The following CADM1 variants were observed in gnomAD, a reference collection of about 807,000 sequenced individuals.
CADM1 encodes TSLC-1.
A neutral mutation model predicts 53.1 loss-of-function variants in CADM1; 15 were observed. That is an observed-to-expected ratio of 0.28 (90% confidence interval 0.19 to 0.44). The LOEUF (loss-of-function observed/expected upper bound fraction) is 0.44, where lower values mean the gene tolerates loss of function less well. CADM1 is among the 20% of genes least tolerant of loss of function. The pLI is 1.00. For missense variants in CADM1, 434 were observed against 611.3 expected (o/e 0.71, Z 3.06); for synonymous variants, 281 against 243.0 (o/e 1.16, Z -1.45).
At chr11:115,438,325 G>T (rs765757730) in intron 1 of CADM1, among the ~76,000 whole-genome samples, 9 of 152,028 alleles carry the variant, frequency 5.9e-5, no homozygotes, top group Non-Finnish European at 1.2e-4. Context: ...ACCAGCCCAG[G>T]ATTAATTCTG....
At chr11:115,425,213 A>T (rs542101364) in intron 1 of CADM1, among the ~76,000 whole-genome samples, 3 of 152,242 alleles carry the variant, frequency 2.0e-5, no homozygotes, top group Non-Finnish European at 4.4e-5. Context: ...TCTTTTATTA[A>T]TAAGTCTTTG....
At chr11:115,502,688 C>A (rs1949755538) in intron 1 of CADM1, among the ~76,000 whole-genome samples, 1 of 152,128 alleles carries the variant, frequency 6.6e-6, no homozygotes, top group South Asian at 2.1e-4. Context: ...CAATAGGTTT[C>A]CCAAGCCGAG....
intron 1 of CADM1, among the ~76,000 whole-genome samples, chr11:115,388,932 G>C (rs1268257463): frequency 6.6e-6 from 1 of 152,088 alleles, no homozygotes; most frequent in East Asian, 1.9e-4. Flanking sequence ...AATGCTGACA[G>C]AAGATTAGAT....
In CADM1 at chr11:115,454,070, C is replaced by CA. The variant is rs1040403444; in HGVS notation, c.124+50200dup. Among the ~76,000 whole-genome samples the CA allele has an allele frequency of 4.1e-3, 586 of 142,656 alleles. 1 individual carries two copies. The highest frequency in any genetic ancestry group is 0.013 in the African/African-American group (497 of 38,978). The allele number at this position is 142,656 out of a possible 152,430, so 93.6% of individuals were successfully genotyped here. ...TCTTTAAAAAAAAAATAAAACAAAA[C>CA]AAAAAAAAAACAAAGCCTTGCCTCT... On this transcript the variant is annotated intron_variant, in intron 1 of 11. Coordinates refer to ENST00000331581, the MANE Select transcript of CADM1 (RefSeq NM_001301043.2).
chr11:115,261,210 T>C (rs1193882412), intron 1 of CADM1, among the ~76,000 whole-genome samples: 2 of 152,154 alleles, frequency 1.3e-5, no homozygotes, highest in Non-Finnish European at 2.9e-5. Flanking sequence ...TGAGAAATGG[T>C]ATACAAAAAT....
chr11:115,429,785 A>T (rs550177871), intron 1 of CADM1, among the ~76,000 whole-genome samples: 2 of 152,270 alleles, frequency 1.3e-5, no homozygotes, highest in African/African-American at 4.8e-5. Flanking sequence ...AGAAGTAGAT[A>T]ATGTGATTTT....
intron 1 of CADM1, among the ~76,000 whole-genome samples, chr11:115,368,861 C>G (rs1946239103): frequency 2.6e-5 from 4 of 151,636 alleles, no homozygotes; most frequent in Non-Finnish European, 4.4e-5. Flanking sequence ...CTATTGAGCA[C>G]TTGTAATGTG....
chr11:115,369,369 T>C (rs1368099829), intron 1 of CADM1, among the ~76,000 whole-genome samples: 1 of 152,172 alleles, frequency 6.6e-6, no homozygotes, highest in Non-Finnish European at 1.5e-5. Context: ...TGGGAGTGGT[T>C]AATCGGTTGT....
At chr11:115,412,304 T>C (rs1052796949) in intron 1 of CADM1, among the ~76,000 whole-genome samples, 35 of 152,108 alleles carry the variant, frequency 2.3e-4, no homozygotes, top group African/African-American at 8.5e-4. Flanking sequence ...AGGTGATCCT[T>C]CCACCTCAAC....
intron 1 of CADM1, among the ~76,000 whole-genome samples, chr11:115,352,867 T>C (rs1945771823): frequency 6.6e-6 from 1 of 152,224 alleles, no homozygotes; most frequent in African/African-American, 2.4e-5. Context: ...GGCCAGGCAG[T>C]ACAGCTCCAT....
chr11:115,450,806 A>G (rs1420080660), intron 1 of CADM1, among the ~76,000 whole-genome samples: 1 of 152,232 alleles, frequency 6.6e-6, no homozygotes, highest in Non-Finnish European at 1.5e-5. Context: ...AATAACGATC[A>G]TCTTTCAAAT....
At chr11:115,494,361 G>A (rs1949565135) in intron 1 of CADM1, among the ~76,000 whole-genome samples, 1 of 152,074 alleles carries the variant, frequency 6.6e-6, no homozygotes, top group Non-Finnish European at 1.5e-5. Flanking sequence ...ATTTTTAAAT[G>A]CTCATTTTTC....
intron 5 of CADM1, among the ~76,000 whole-genome samples, chr11:115,224,734 T>C (rs1941538951): frequency 1.3e-5 from 2 of 152,194 alleles, no homozygotes; most frequent in South Asian, 2.1e-4. Context: ...CTTATGTCGC[T>C]ATGTGTTGCC....
chr11:115,459,148 T>C lies in CADM1; in HGVS notation c.124+45123A>G, dbSNP rs537384627. On this transcript the variant is annotated intron_variant, in intron 1 of 11. Coordinates refer to ENST00000331581, the MANE Select transcript of CADM1 (RefSeq NM_001301043.2). ...GGTTCCATAATTATAACTGCAATAATGAATGGAAAGGAGTGTTATTGCTGC... is the reference window on the plus strand; with the variant it reads ...GGTTCCATAATTATAACTGCAATAACGAATGGAAAGGAGTGTTATTGCTGC... Among the ~76,000 whole-genome samples, 5 of 152,302 alleles carry C rather than the reference T, an allele frequency of 3.3e-5. No individual in the cohort carries two copies. The South Asian group carries it at 1.0e-3, about 32-fold the overall frequency.
intron 1 of CADM1, among the ~76,000 whole-genome samples, chr11:115,422,227 G>C (rs11215548): frequency 6.6e-6 from 1 of 152,128 alleles, no homozygotes; most frequent in Non-Finnish European, 1.5e-5. Flanking sequence ...GGAAAATGCC[G>C]CTCTCAGACA....
chr11:115,501,651 T>A (rs984435250), intron 1 of CADM1, among the ~76,000 whole-genome samples: 3 of 152,198 alleles, frequency 2.0e-5, no homozygotes, highest in African/African-American at 7.2e-5. Context: ...TGGCTTCAGT[T>A]ACAGGAGAAA....
At chr11:115,481,172 A>G (rs1187418910) in intron 1 of CADM1, among the ~76,000 whole-genome samples, 3 of 152,174 alleles carry the variant, frequency 2.0e-5, no homozygotes, top group African/African-American at 7.2e-5. Flanking sequence ...ATGTGTCTAC[A>G]GCATGCTTCC....
intron 1 of CADM1, among the ~76,000 whole-genome samples, chr11:115,267,493 G>A (rs1018000633): frequency 3.9e-5 from 6 of 152,124 alleles, no homozygotes; most frequent in African/African-American, 1.4e-4. Context: ...CGAATGAAAT[G>A]CCACTTAGGA....
chr11:115,463,165 C>A (rs1388582749), intron 1 of CADM1, among the ~76,000 whole-genome samples: 1 of 152,126 alleles, frequency 6.6e-6, no homozygotes, highest in African/African-American at 2.4e-5. Context: ...TCACCAACCT[C>A]CTGAAGGCTA....
Sources: allele counts gnomAD v4.1 joint callset (sites outside exome capture counted in the v4.1 genomes callset), GRCh38; gene constraint gnomAD v4.1.1; transcripts MANE v1.5; gene names NCBI Gene and HGNC (gene_info 2026-07-23, HGNC 2026-07-21).